The following PTPRS variants were observed in gnomAD, a reference collection of about 807,000 sequenced individuals.
PTPRS encodes the protein receptor-type tyrosine-protein phosphatase S.
In PTPRS, 63 loss-of-function variants were observed where a neutral mutation model predicts 215.3. The observed-to-expected ratio is 0.29, with a 90% CI of 0.24 to 0.36. PTPRS has a LOEUF of 0.36. PTPRS is among the 10% of genes least tolerant of loss of function. PTPRS has a pLI of 1.00. For missense variants in PTPRS, 2,258 were observed against 2,825.8 expected (o/e 0.80, Z 4.56); for synonymous variants, 1,404 against 1,191.4 (o/e 1.18, Z -3.68).
In PTPRS at chr19:5,222,777, G is replaced by A. The variant is rs760805131; in HGVS notation, c.3015C>T (p.Ala1005=). 2 of 1,598,710 alleles carry A rather than the reference G, an allele frequency of 1.3e-6. No homozygotes were observed. Among genetic ancestry groups the A allele is most frequent in the African/African-American group, 1.3e-5 (1 of 74,766 alleles). ...LTLQGLKPDT[A]YDLQVRAHTR... is the part of the protein sequence containing the mutation. The stretch of plus-strand genomic sequence containing the variant: ...TGTGGGCTCGCACTTGGAGGTCATA[G>A]GCCGTGTCGGGCTTCAGGCCCTGCA... The change falls in exon 18 of 38, where the codon GCC becomes GCT. Residue 1005 remains alanine (A), a synonymous_variant. Coordinates refer to ENST00000262963, the MANE Select transcript of PTPRS (RefSeq NM_002850.4).
At chr19:5,304,374 G>C (rs2049407498) in intron 1 of PTPRS, among the ~76,000 whole-genome samples, 1 of 152,082 alleles carries the variant, frequency 6.6e-6, no homozygotes, top group Non-Finnish European at 1.5e-5. Flanking sequence ...CAGCTACTTG[G>C]GAAGCTGAGG....
In PTPRS at chr19:5,222,861, A is replaced by G. The variant is rs1371975818; in HGVS notation, c.2931T>C (p.Pro977=). The change falls in exon 18 of 38, where the codon CCT becomes CCC. Residue 977 remains proline, a synonymous_variant. Transcript: ENST00000262963. The stretch of plus-strand genomic sequence containing the variant: ...CTGCCGGCAGCTCAGTCTCTCGGGC[A>G]GGGCCCAGGGCACCGGCCTCCCGCA... ...VAVREAGALG[P]ARETELPAAA... is the part of the protein sequence containing the mutation. The G allele has an allele frequency of 1.3e-6, 2 of 1,586,562 alleles. No homozygotes were observed. The highest frequency in any genetic ancestry group is 1.7e-5 in the Admixed American group (1 of 58,732).
chr19:5,315,350 GGTTTTTTTTTTTTTT>G lies in PTPRS; in HGVS notation c.-95+25299_-95+25313del, dbSNP rs1412040334. ...TCATGGAGAATTTTTATTTGAAAAG[GGTTTTTTTTTTTTTT>G]TTTTTTTTTTTTTTTTGAGACAGAG... On this transcript the variant is annotated intron_variant, in intron 1 of 37. Coordinates refer to ENST00000262963, the MANE Select transcript of PTPRS (RefSeq NM_002850.4). 3.6e-4 allele frequency among the ~76,000 whole-genome samples: 36 copies of G among 101,318 alleles called. 2 individuals are homozygous for G. Among genetic ancestry groups the G allele is most frequent in the Non-Finnish European group, 5.5e-4 (29 of 52,786 alleles). The allele number at this position is 101,318 out of a possible 152,430, so 66.5% of individuals were successfully genotyped here. A position where few individuals can be genotyped will look rare whatever the true frequency, so the allele number is the denominator to read the frequency against.
Position 5,258,002 on chromosome 19 carries a change from CG to C in PTPRS, c.706+14del. ...GGCGGGTCCCTGCCTTTGACCTGGA[CG>C]CGGCGTTCCCTACCTCGCACGTAGA... On this transcript the variant is annotated intron_variant, in intron 8 of 37. Coordinates refer to ENST00000262963, the MANE Select transcript of PTPRS (RefSeq NM_002850.4). 1 of 1,607,088 alleles carries C rather than the reference CG, an allele frequency of 6.2e-7. No individual in the cohort carries two copies. The highest frequency in any genetic ancestry group is 8.5e-7 in the Non-Finnish European group (1 of 1,175,040).
intron 9 of PTPRS, among the ~76,000 whole-genome samples, chr19:5,252,870 T>C (rs1225551260): frequency 1.1e-5 from 1 of 91,216 alleles, no homozygotes; most frequent in African/African-American, 5.1e-5. Context: ...TGAAACTCCA[T>C]CTCAAAAAAA....
chr19:5,301,207 G>A (rs1015287877), intron 1 of PTPRS, among the ~76,000 whole-genome samples: 4 of 152,290 alleles, frequency 2.6e-5, no homozygotes, highest in Admixed American at 1.3e-4. Flanking sequence ...AGTGGAGGAC[G>A]GGGGAGGGAC....
intron 26 of PTPRS, 48 bp from the exon 27 acceptor site, chr19:5,215,643 G>T: frequency 7.3e-7 from 1 of 1,373,252 alleles, no homozygotes. Flanking sequence ...TGGGGGGCCA[G>T]CCGGGGACTC....
At chr19:5,208,507 G>A in intron 35 of PTPRS, 116 bp from the exon 36 acceptor site, 1 of 1,101,134 alleles carries the variant, frequency 9.1e-7, no homozygotes, top group South Asian at 2.0e-5. Context: ...TTGAGATGGA[G>A]TTTCACTCTT....
At chr19:5,246,422 G>A (rs979300366) in intron 9 of PTPRS, among the ~76,000 whole-genome samples, 1 of 152,194 alleles carries the variant, frequency 6.6e-6, no homozygotes, top group African/African-American at 2.4e-5. Flanking sequence ...AGGGTGGCTG[G>A]TCACAGCACA....
Position 5,290,720 on chromosome 19 carries a change from G to A in PTPRS, c.-94-4486C>T, listed in dbSNP as rs573677685. Among the ~76,000 whole-genome samples the A allele has an allele frequency of 1.6e-3, 237 of 152,136 alleles. 1 individual carries two copies. Among genetic ancestry groups the A allele is most frequent in the African/African-American group, 5.0e-3 (207 of 41,516 alleles). Reference sequence around the variant, plus strand: ...CTCAGGGGCCATCCCATGGCCCCAGGGCAGGAGAAGCTGAGGCTGATTATG... The same window carrying A: ...CTCAGGGGCCATCCCATGGCCCCAGAGCAGGAGAAGCTGAGGCTGATTATG... On this transcript the variant is annotated intron_variant, in intron 1 of 37. Coordinates refer to ENST00000262963, the MANE Select transcript of PTPRS (RefSeq NM_002850.4).
rs1204550452 is a variant in PTPRS, at chr19:5,293,574, T to G, written c.-94-7340A>C. On this transcript the variant is annotated intron_variant, in intron 1 of 37. Transcript: ENST00000262963. This position sits in a 1 kb window ranked among gnomAD's most constrained non-coding sequence, Gnocchi z 8.4. ...GCTTCCCCAGCTCTGATCGTAGCCA[T>G]GGCAACGCATGAGGAGGCTGGATGC... 1.3e-5 allele frequency among the ~76,000 whole-genome samples: 2 copies of G among 152,096 alleles called. No homozygotes were observed. Among genetic ancestry groups the G allele is most frequent in the Non-Finnish European group, 2.9e-5 (2 of 68,000 alleles).
At chr19:5,322,323 A>G (rs1374390152) in intron 1 of PTPRS, among the ~76,000 whole-genome samples, 1 of 152,176 alleles carries the variant, frequency 6.6e-6, no homozygotes, top group Non-Finnish European at 1.5e-5. Flanking sequence ...CTATATTTTT[A>G]AAAACCCCAC....
chr19:5,334,352 T>C (rs74429014), intron 1 of PTPRS, among the ~76,000 whole-genome samples: 5,934 of 152,264 alleles, frequency 0.039, 159 homozygotes, highest in Non-Finnish European at 0.066. Flanking sequence ...AAAAACAGAA[T>C]AGAGGTGGCA....
chr19:5,227,600 G>A (rs907237750), intron 16 of PTPRS, among the ~76,000 whole-genome samples: 3 of 151,738 alleles, frequency 2.0e-5, no homozygotes, highest in Non-Finnish European at 4.4e-5. Context: ...AGTAGAGACA[G>A]GGTTTCACCA....
intron 13 of PTPRS, among the ~76,000 whole-genome samples, chr19:5,238,468 T>C (rs992675471): frequency 6.6e-6 from 1 of 151,896 alleles, no homozygotes; most frequent in Non-Finnish European, 1.5e-5. Flanking sequence ...GGAAGGTGGG[T>C]TCGTCTCTGT....
chr19:5,231,286 C>T (rs752559727), intron 14 of PTPRS, 24 bp downstream of exon 14: 4 of 1,578,928 alleles, frequency 2.5e-6, no homozygotes, highest in Non-Finnish European at 3.4e-6. Flanking sequence ...TGCGGGGGGT[C>T]CCGGGCCTGG....
intron 9 of PTPRS, among the ~76,000 whole-genome samples, chr19:5,250,693 C>T (rs1051229284): frequency 7.4e-5 from 11 of 147,928 alleles, no homozygotes; most frequent in African/African-American, 2.5e-4. Context: ...GGGGGGTGGT[C>T]GCTTCAAACC....
rs2044286236 is a variant in PTPRS at position 5,244,222 on chromosome 19, C to T, written c.1249G>A (p.Val417Met). Residue 417 changes from valine (V) to methionine (M), a missense_variant, in exon 11 of 38, where the codon GTG becomes ATG. Physicochemically the swap from Val to Met is conservative, Grantham distance 21. Coordinates refer to ENST00000262963, the MANE Select transcript of PTPRS (RefSeq NM_002850.4). The surrounding 1 kb of genome is among the most constrained non-coding windows in gnomAD (Gnocchi z 7.2). ...GCCTGCTCGCCTGTGCGGGTGACCA[C>T]GGACTCGCTGGGGGGCCCCTGGCCG... ...SIGQGPPSES[V>M]VTRTGEQAPA... 4 of 1,610,038 alleles carry T rather than the reference C, an allele frequency of 2.5e-6. No homozygotes were observed. Among genetic ancestry groups the T allele is most frequent in the Non-Finnish European group, 3.4e-6 (4 of 1,177,800 alleles).
chr19:5,243,772 T>C (rs1568463046), intron 11 of PTPRS, 129 bp downstream of exon 11: 7 of 930,002 alleles, frequency 7.5e-6, no homozygotes, highest in Non-Finnish European at 1.1e-5. Context: ...ACACCCGGCC[T>C]AAATGCTAGC....
Sources: gnomAD v4.1 joint callset for allele counts (sites outside exome capture counted in the v4.1 genomes callset) on GRCh38, gnomAD v4.1.1 for gene constraint, Gnocchi (gnomAD v3.1) non-coding constraint, MANE v1.5 for transcripts, NCBI Gene and HGNC (gene_info 2026-07-23, HGNC 2026-07-21) for gene names.